Variants in CNTNAP2 observed in about 807,000 individuals in gnomAD.
The protein encoded by CNTNAP2 is contactin-associated protein-like 2.
A neutral mutation model predicts 155.2 loss-of-function variants in CNTNAP2; 98 were observed. The observed-to-expected ratio is 0.63, with a 90% CI of 0.54 to 0.75. The LOEUF (loss-of-function observed/expected upper bound fraction) is 0.75, where lower values mean the gene tolerates loss of function less well. Among genes scored for constraint, CNTNAP2 ranks in the 30% least tolerant of loss-of-function variants. CNTNAP2 has a pLI of 0.00. For missense variants in CNTNAP2, 1,727 were observed against 1,688.1 expected, an observed-to-expected ratio of 1.02 and a Z score of -0.40; for synonymous variants, 651 against 631.2, an observed-to-expected ratio of 1.03 and a Z score of -0.47.
At chr7:147,699,546 C>G (rs1049625709) in intron 13 of CNTNAP2, among the ~76,000 whole-genome samples, 1 of 151,874 alleles carries the variant, frequency 6.6e-6, no homozygotes, top group Non-Finnish European at 1.5e-5. Flanking sequence ...ATGTGTATAC[C>G]TATGTAACAA....
chr7:148,397,291 G>A (rs187766810), intron 22 of CNTNAP2, among the ~76,000 whole-genome samples: 3 of 152,198 alleles, frequency 2.0e-5, no homozygotes, highest in Non-Finnish European at 4.4e-5. Context: ...CCATCCCAGA[G>A]GATTCCTGGT....
chr7:147,156,822 G>A (rs7790852), intron 8 of CNTNAP2, among the ~76,000 whole-genome samples: 2,646 of 152,086 alleles, frequency 0.017, 65 homozygotes, highest in African/African-American at 0.059. Context: ...AAGTAATTAT[G>A]GCATCTTCCT....
chr7:147,494,819 A>C (rs932630787), intron 11 of CNTNAP2, among the ~76,000 whole-genome samples: 12 of 152,146 alleles, frequency 7.9e-5, no homozygotes, highest in Non-Finnish European at 1.3e-4. Flanking sequence ...AATTAGAGTA[A>C]AAAATAATAT....
At chr7:148,393,602 G>A (rs1024930934) in intron 22 of CNTNAP2, among the ~76,000 whole-genome samples, 2 of 152,120 alleles carry the variant, frequency 1.3e-5, no homozygotes, top group African/African-American at 4.8e-5. Context: ...TTGTATCCAT[G>A]ATTTTGTTGA....
At position 148,267,115 on chromosome 7, in the gene CNTNAP2, G is replaced by A. The variant is rs1796686657; in HGVS notation, c.3464G>A (p.Gly1155Glu). 2 of 1,613,808 alleles carry A rather than the reference G, an allele frequency of 1.2e-6. No homozygotes were observed. Among genetic ancestry groups the A allele is most frequent in the Admixed American group, 1.7e-5 (1 of 60,002 alleles). ...LFNSPKSLFL[G>E]KVIETGKIDQ... ...AATTCTCCCAAGTCGCTCTTTCTGG[G>A]AAAAGTTATAGGTAAGAATGTGGTT... Residue 1155 changes from glycine to glutamate, a missense_variant, in exon 21 of 24, where the codon GGA becomes GAA. Gly to Glu is a moderately conservative substitution (Grantham distance 98). Coordinates refer to ENST00000361727, the MANE Select transcript of CNTNAP2 (RefSeq NM_014141.6).
intron 18 of CNTNAP2, among the ~76,000 whole-genome samples, chr7:148,172,998 C>A (rs1447596652): frequency 6.6e-6 from 1 of 152,166 alleles, no homozygotes; most frequent in Admixed American, 6.5e-5. Context: ...ACTCAGGATG[C>A]CTTTGAGTGG....
Position 146,736,195 on chromosome 7 carries a change from G to A in CNTNAP2, c.98-38076G>A, listed in dbSNP as rs555909696. 1.5e-3 allele frequency among the ~76,000 whole-genome samples: 224 copies of A among 152,030 alleles called. 1 individual carries two copies. Among genetic ancestry groups the A allele is most frequent in the Non-Finnish European group, 2.8e-3 (190 of 68,018 alleles). ...ATAGGTTATATGCAAACACTGGGCC[G>A]TTTGACATAAGGGATTTGAGCATTC... is the stretch of plus-strand genomic sequence containing the variant. On this transcript the variant is annotated intron_variant, in intron 1 of 23. Transcript: ENST00000361727.
chr7:148,018,416 C>T (rs1013935776), intron 15 of CNTNAP2, among the ~76,000 whole-genome samples: 6 of 152,040 alleles, frequency 3.9e-5, no homozygotes, highest in African/African-American at 1.4e-4. Context: ...TAAAGGATGG[C>T]GGTAAATATA....
chr7:148,354,178 ATTTTTTTTTT>A (rs57278575), intron 21 of CNTNAP2, among the ~76,000 whole-genome samples: 18 of 99,326 alleles, frequency 1.8e-4, no homozygotes, highest in African/African-American at 3.9e-4. Flanking sequence ...GAAACGATTA[ATTTTTTTTTT>A]TTTTTTTTTT....
At chr7:147,535,186 A>C (rs1799517377) in intron 11 of CNTNAP2, among the ~76,000 whole-genome samples, 1 of 152,176 alleles carries the variant, frequency 6.6e-6, no homozygotes, top group African/African-American at 2.4e-5. Flanking sequence ...TGAGGTCAGG[A>C]GTTTGAGACC....
intron 18 of CNTNAP2, among the ~76,000 whole-genome samples, chr7:148,212,268 C>G (rs756996784): frequency 1.1e-4 from 17 of 151,824 alleles, no homozygotes; most frequent in Non-Finnish European, 2.2e-4. Context: ...ACTTCTTTTC[C>G]TCAATCAGGG....
chr7:147,128,369 ATTAT>A (rs1251115872), intron 6 of CNTNAP2, among the ~76,000 whole-genome samples: 2 of 152,228 alleles, frequency 1.3e-5, no homozygotes, highest in Non-Finnish European at 2.9e-5. Context: ...TATTTCTAAT[ATTAT>A]TTGATACAAG....
chr7:146,695,911 A>T (rs2533104), intron 1 of CNTNAP2, among the ~76,000 whole-genome samples: 18,426 of 152,178 alleles, frequency 0.12, 2,845 homozygotes, highest in African/African-American at 0.36. Flanking sequence ...GTCATGGTGT[A>T]TAATTCTTTT....
At chr7:146,335,991 G>A (rs932038375) in intron 1 of CNTNAP2, among the ~76,000 whole-genome samples, 4 of 152,050 alleles carry the variant, frequency 2.6e-5, no homozygotes, top group Admixed American at 1.3e-4. Flanking sequence ...CCTAAGGCTG[G>A]GAGTTTGAGA....
At chr7:147,135,367 A>G (rs539187697) in intron 8 of CNTNAP2, among the ~76,000 whole-genome samples, 2 of 151,904 alleles carry the variant, frequency 1.3e-5, no homozygotes, top group Non-Finnish European at 1.5e-5. Flanking sequence ...AAACAAACAA[A>G]CAACAACAAC....
Position 147,862,624 on chromosome 7 carries a change from C to CATAT in CNTNAP2, c.2099-40933_2099-40930dup, listed in dbSNP as rs35195015. 1.0e-3 allele frequency among the ~76,000 whole-genome samples: 157 copies of CATAT among 151,028 alleles called. 2 individuals are homozygous for CATAT. The South Asian group carries it at 0.023, about 22-fold the overall frequency. On this transcript the variant is annotated intron_variant, in intron 13 of 23. Transcript: ENST00000361727. ...TTTGGCCAGTATGTCTGAGACCACT[C>CATAT]ATATATATATACATATATACACACA...
chr7:148,232,427 C>T (rs73170563), intron 20 of CNTNAP2, among the ~76,000 whole-genome samples: 30,610 of 152,062 alleles, frequency 0.2, 3,714 homozygotes, highest in Non-Finnish European at 0.26. Flanking sequence ...ATAAAATGTT[C>T]ACAGTGATCA....
chr7:148,305,187 C>T (rs752178454), intron 21 of CNTNAP2, among the ~76,000 whole-genome samples: 11 of 137,592 alleles, frequency 8.0e-5, no homozygotes, highest in Middle Eastern at 4.5e-3. Flanking sequence ...AGCAACACTG[C>T]ACTCCAGCCT....
intron 15 of CNTNAP2, among the ~76,000 whole-genome samples, chr7:148,072,342 G>A (rs1295500462): frequency 2.0e-5 from 3 of 152,038 alleles, no homozygotes; most frequent in Non-Finnish European, 4.4e-5. Flanking sequence ...CAGGCTTTTT[G>A]AGCCATGTGG....
Sources: allele counts gnomAD v4.1 joint callset (sites outside exome capture counted in the v4.1 genomes callset), GRCh38; gene constraint gnomAD v4.1.1; transcripts MANE v1.5; gene names NCBI Gene and HGNC (gene_info 2026-07-23, HGNC 2026-07-21).